Variants in RYK observed in about 807,000 individuals in gnomAD.
RYK encodes receptor like tyrosine kinase.
In RYK, 21 loss-of-function variants were observed where a neutral mutation model predicts 70.2. The ratio of observed to expected loss-of-function variants is 0.30; its 90% CI spans 0.21 to 0.43. The LOEUF (loss-of-function observed/expected upper bound fraction) is 0.43, where lower values mean the gene tolerates loss of function less well. Ranked by LOEUF, RYK falls within the 20% of genes least tolerant of loss-of-function variation. The probability of loss-of-function intolerance (pLI) is 1.00; values close to 1 mark genes in which losing one functional copy is unlikely to be tolerated. For synonymous variants in RYK, 267 were observed against 278.0 expected (o/e 0.96, Z 0.39); for missense variants, 604 against 753.3 (o/e 0.80, Z 2.32).
rs556110791 is a variant in RYK at position 134,171,991 on chromosome 3, G to T, written c.1575+3618C>A. On this transcript the variant is annotated intron_variant, in intron 13 of 14. Transcript: ENST00000623711. ...CCTTTTTCTAAGAGAATAATAAAAA[G>T]ATTTCCAACCTCTTCAAATTACACG... is the stretch of plus-strand genomic sequence containing the variant. 1.2e-4 allele frequency among the ~76,000 whole-genome samples: 19 copies of T among 152,068 alleles called. No homozygotes were observed. In the South Asian group the frequency reaches 3.7e-3, roughly 30 times the overall value.
chr3:134,227,444 G>C (rs372506106), intron 1 of RYK, among the ~76,000 whole-genome samples: 1 of 151,160 alleles, frequency 6.6e-6, no homozygotes, highest in East Asian at 1.9e-4. Flanking sequence ...TGCCAACAAC[G>C]ATCTTGAAAA....
rs1365191871 is a variant in RYK, at chr3:134,250,831, C to T, written c.-177G>A. On this transcript the variant is annotated 5_prime_UTR_variant, in exon 1 of 15. Transcript: ENST00000623711. Reference sequence around the variant, plus strand: ...CCGGAGCGCGCCGCCGCCGCCGCCTCCTCGCTGCATCGTCCGGAGTTGGGG... The same window carrying T: ...CCGGAGCGCGCCGCCGCCGCCGCCTTCTCGCTGCATCGTCCGGAGTTGGGG... 1.2e-5 allele frequency: 2 copies of T among 164,344 alleles called. No individual in the cohort carries two copies. Among genetic ancestry groups the T allele is most frequent in the Non-Finnish European group, 2.5e-5 (2 of 79,556 alleles). The allele number at this position is 164,344 out of a possible 1,614,324, so 10.2% of individuals were successfully genotyped here.
At chr3:134,248,215 T>A (rs756883788) in intron 1 of RYK, among the ~76,000 whole-genome samples, 1 of 152,148 alleles carries the variant, frequency 6.6e-6, no homozygotes, top group Non-Finnish European at 1.5e-5. Context: ...GAGAAAATAC[T>A]ACTAGAAGTC....
chr3:134,205,480 C>T (rs1054771964), intron 5 of RYK, among the ~76,000 whole-genome samples: 3 of 152,138 alleles, frequency 2.0e-5, no homozygotes, highest in African/African-American at 7.2e-5. Context: ...GAAAGCTATT[C>T]AATCTTGGGA....
intron 8 of RYK, among the ~76,000 whole-genome samples, 189 bp from the exon 9 acceptor site, chr3:134,189,112 C>T (rs1283251734): frequency 2.6e-5 from 4 of 152,132 alleles, no homozygotes; most frequent in African/African-American, 7.2e-5. Context: ...GTGACTATTA[C>T]ACATCTTAAC....
At chr3:134,198,406 C>CTGGG (rs983730551) in intron 6 of RYK, among the ~76,000 whole-genome samples, 3 of 152,330 alleles carry the variant, frequency 2.0e-5, no homozygotes, top group Admixed American at 2.0e-4. Context: ...AGGTACTGTA[C>CTGGG]TGGGTGCTAG....
chr3:134,207,050 T>A (rs918310268), intron 5 of RYK, among the ~76,000 whole-genome samples: 3 of 152,166 alleles, frequency 2.0e-5, no homozygotes, highest in Non-Finnish European at 2.9e-5. Context: ...CTACTTTGCA[T>A]ACCTGCTCTG....
At chr3:134,206,894 T>A (rs1000244458) in intron 5 of RYK, among the ~76,000 whole-genome samples, 1 of 152,058 alleles carries the variant, frequency 6.6e-6, no homozygotes, top group African/African-American at 2.4e-5. Context: ...TAAAGTCTAC[T>A]TGCATGAAGA....
At position 134,202,890 on chromosome 3, in the gene RYK, A is replaced by G. The variant is rs1560014682; in HGVS notation, c.644-16T>C. The stretch of plus-strand genomic sequence containing the variant: ...ACAGGATCATCTGAAATAAAAACAA[A>G]AAGCACATTTAGCTTTTTAAACAAA... On this transcript the variant is annotated splice_polypyrimidine_tract_variant and intron_variant, in intron 5 of 14. Transcript: ENST00000623711. The G allele has an allele frequency of 1.2e-6, 2 of 1,607,458 alleles. No individual in the cohort carries two copies. Among genetic ancestry groups the G allele is most frequent in the Non-Finnish European group, 1.7e-6 (2 of 1,177,730 alleles).
intron 6 of RYK, among the ~76,000 whole-genome samples, chr3:134,196,033 T>C (rs2013800608): frequency 6.6e-6 from 1 of 152,164 alleles, no homozygotes. Flanking sequence ...CTCCCTTTCA[T>C]CCAACTTCTG....
At position 134,246,611 on chromosome 3, in the gene RYK, CTG is replaced by C. The variant is rs151334089; in HGVS notation, c.232+3810_232+3811del. 8.2e-4 allele frequency among the ~76,000 whole-genome samples: 125 copies of C among 152,158 alleles called. No homozygotes were observed. The Middle Eastern group carries it at 0.014, about 17-fold the overall frequency. On this transcript the variant is annotated intron_variant, in intron 1 of 14. Coordinates refer to ENST00000623711, the MANE Select transcript of RYK (RefSeq NM_002958.4). ...CATCAAAAACCCTTAAGACAGAAAACTGTGAATATGCCATCAAAATTATGAAA... is the reference window on the plus strand; with the variant it reads ...CATCAAAAACCCTTAAGACAGAAAACTGAATATGCCATCAAAATTATGAAA...
chr3:134,183,540 A>G (rs1443011052), intron 9 of RYK: 3 of 152,246 alleles, frequency 2.0e-5, no homozygotes, highest in African/African-American at 7.2e-5. Context: ...TCCCCTGTCA[A>G]ATTGAGACAC....
At chr3:134,239,543 T>C (rs2015272099) in intron 1 of RYK, among the ~76,000 whole-genome samples, 1 of 152,196 alleles carries the variant, frequency 6.6e-6, no homozygotes, top group Non-Finnish European at 1.5e-5. Flanking sequence ...ATAGCTTCAG[T>C]CTAATTTCCC....
chr3:134,201,883 G>A (rs887117242), intron 6 of RYK, among the ~76,000 whole-genome samples: 1 of 152,128 alleles, frequency 6.6e-6, no homozygotes, highest in Non-Finnish European at 1.5e-5. Flanking sequence ...ACAGAGGAGG[G>A]AAGTAAGAAG....
chr3:134,215,863 C>A (rs1404702927), intron 2 of RYK, among the ~76,000 whole-genome samples: 2 of 151,978 alleles, frequency 1.3e-5, no homozygotes, highest in African/African-American at 4.8e-5. Context: ...CACGGTAAAA[C>A]CCCGTCTCTA....
chr3:134,170,340 T>G (rs933598816), intron 13 of RYK: 24 of 152,224 alleles, frequency 1.6e-4, no homozygotes, highest in African/African-American at 5.8e-4. Context: ...AGTAAGTTTA[T>G]GCCAAAACAC....
At chr3:134,189,737 C>T (rs1364657745) in intron 8 of RYK, among the ~76,000 whole-genome samples, 16 of 86,030 alleles carry the variant, frequency 1.9e-4, no homozygotes, top group South Asian at 1.6e-3. Context: ...AACGAGACTC[C>T]GCCAAAAAAA....
chr3:134,183,244 T>C, intron 9 of RYK, 173 bp from the exon 10 acceptor site: 2 of 390,610 alleles, frequency 5.1e-6, no homozygotes, highest in South Asian at 1.1e-4. Context: ...TCTCATTAAA[T>C]AGGTCAATTT....
chr3:134,249,734 A>G (rs1163974433), intron 1 of RYK, among the ~76,000 whole-genome samples: 4 of 152,150 alleles, frequency 2.6e-5, no homozygotes, highest in African/African-American at 9.7e-5. Flanking sequence ...GAGTCAGTCC[A>G]AACTCCCAAC....
Sources: allele counts gnomAD v4.1 joint callset (sites outside exome capture counted in the v4.1 genomes callset), GRCh38; gene constraint gnomAD v4.1.1; transcripts MANE v1.5; gene names NCBI Gene and HGNC (gene_info 2026-07-23, HGNC 2026-07-21).